VPS53: variants seen among roughly 807,000 people sequenced by gnomAD.
The protein encoded by VPS53 is vacuolar protein sorting-associated protein 53 homolog.
In VPS53, 70 loss-of-function variants were observed where a neutral mutation model predicts 107.0. That is an observed-to-expected ratio of 0.65 (90% confidence interval 0.54 to 0.80). The LOEUF (loss-of-function observed/expected upper bound fraction) is 0.80. Among genes scored for constraint, VPS53 ranks in the 30% least tolerant of loss-of-function variants. The pLI is 0.00. For missense variants in VPS53, 917 were observed against 1,049.4 expected (o/e 0.87, Z 1.74); for synonymous variants, 409 against 393.3 (o/e 1.04, Z -0.47).
chr17:582,932 T>C lies in VPS53; in HGVS notation c.1313+3338A>G, dbSNP rs72477036. Among the ~76,000 whole-genome samples the C allele has an allele frequency of 2.0e-3, 299 of 145,950 alleles. 8 individuals are homozygous for C. The East Asian group carries it at 0.057, about 28-fold the overall frequency. ...CCAGAGAACCTCCCTCAGGACCTAA[T>C]GTGTTTCCAGAGAACCTCCCTTAGA... On this transcript the variant is annotated intron_variant, in intron 13 of 21. Transcript: ENST00000437048.
Position 521,691 on chromosome 17 carries a change from G to A in VPS53, c.2133C>T (p.Pro711=), listed in dbSNP as rs1037873793. 1.9e-6 allele frequency: 3 copies of A among 1,550,750 alleles called. No individual in the cohort carries two copies. Among genetic ancestry groups the A allele is most frequent in the Middle Eastern group, 1.7e-4 (1 of 6,010 alleles). Residue 711 remains proline, a synonymous_variant, in exon 20 of 22, where the codon CCC becomes CCT. Coordinates refer to ENST00000437048, the MANE Select transcript of VPS53 (RefSeq NM_001128159.3). ...HSLKMVLLDL[P]SISSQVVRKA... Reference sequence around the variant, plus strand: ...TCCTCACCACCTGCGAGCTGATGGAGGGGAGATCGAGCAGGACCATCTTCA... The same window carrying A: ...TCCTCACCACCTGCGAGCTGATGGAAGGGAGATCGAGCAGGACCATCTTCA...
At chr17:664,784 C>T (rs1251521370) in intron 4 of VPS53, among the ~76,000 whole-genome samples, 1 of 152,054 alleles carries the variant, frequency 6.6e-6, no homozygotes, top group African/African-American at 2.4e-5. Flanking sequence ...AGACGCCGAG[C>T]GATTCAGGGT....
chr17:702,181 C>T (rs1301619846), intron 2 of VPS53, among the ~76,000 whole-genome samples: 5 of 151,988 alleles, frequency 3.3e-5, no homozygotes, highest in East Asian at 1.9e-4. Context: ...GGTGAAACTC[C>T]GTCTCTACAA....
intron 3 of VPS53, among the ~76,000 whole-genome samples, chr17:698,607 G>A (rs1043016598): frequency 1.3e-5 from 2 of 151,924 alleles, no homozygotes; most frequent in African/African-American, 4.8e-5. Context: ...GGAGGCTGAG[G>A]TGGGAGGATC....
intron 4 of VPS53, among the ~76,000 whole-genome samples, chr17:665,666 C>T (rs1646898228): frequency 6.6e-6 from 1 of 152,136 alleles, no homozygotes; most frequent in Admixed American, 6.6e-5. Context: ...AAGTCTGGAA[C>T]TTCTTAGAAA....
chr17:604,202 G>A (rs748713140), intron 11 of VPS53, among the ~76,000 whole-genome samples: 7 of 152,174 alleles, frequency 4.6e-5, no homozygotes, highest in Non-Finnish European at 8.8e-5. Flanking sequence ...AACAGCAGAT[G>A]TCAGTGACGT....
At chr17:699,794 G>A (rs1324411910) in intron 2 of VPS53, among the ~76,000 whole-genome samples, 2 of 152,176 alleles carry the variant, frequency 1.3e-5, no homozygotes, top group African/African-American at 4.8e-5. Context: ...CAACAAAAAT[G>A]AATGAATGCA....
chr17:525,625 T>G (rs1300522880), intron 19 of VPS53, among the ~76,000 whole-genome samples: 1 of 151,744 alleles, frequency 6.6e-6, no homozygotes, highest in Non-Finnish European at 1.5e-5. Flanking sequence ...GCCCAGGAAT[T>G]CCAGGTTGCA....
intron 11 of VPS53, among the ~76,000 whole-genome samples, chr17:617,074 T>C (rs17677436): frequency 0.35 from 52,904 of 152,128 alleles, 11,024 homozygotes; most frequent in Non-Finnish European, 0.47. Context: ...CTGGGACCTA[T>C]TTCCCGTCCG....
At chr17:539,237 T>G (rs1910385784) in intron 17 of VPS53, 1 of 152,250 alleles carries the variant, frequency 6.6e-6, no homozygotes, top group Non-Finnish European at 1.5e-5. Flanking sequence ...TGTCACCAGT[T>G]ACAAAGCAGC....
intron 17 of VPS53, chr17:537,781 G>C (rs1288726574): frequency 6.6e-6 from 1 of 152,238 alleles, no homozygotes; most frequent in African/African-American, 2.4e-5. Flanking sequence ...CATAGAGGCT[G>C]ACCACACTGT....
chr17:536,227 C>A (rs1910048903), intron 18 of VPS53, among the ~76,000 whole-genome samples: 1 of 152,126 alleles, frequency 6.6e-6, no homozygotes, highest in Non-Finnish European at 1.5e-5. Context: ...CCAGGGAGCT[C>A]CCTGGCTTGT....
intron 5 of VPS53, among the ~76,000 whole-genome samples, chr17:660,897 T>C (rs1971410421): frequency 6.6e-6 from 1 of 152,170 alleles, no homozygotes; most frequent in South Asian, 2.1e-4. Context: ...AGTCTGAATC[T>C]GAACCCAGGA....
rs1396284312 is a variant in VPS53 at position 519,774 on chromosome 17, C to T, written c.2328+52G>A. 8.3e-6 allele frequency: 11 copies of T among 1,330,634 alleles called. No individual in the cohort carries two copies. Among genetic ancestry groups the T allele is most frequent in the South Asian group, 1.3e-5 (1 of 79,120 alleles). 82.4% of individuals were successfully genotyped at this position (1,330,634 alleles called of 1,614,324 possible). A position where few individuals can be genotyped will look rare whatever the true frequency, so the allele number is the denominator to read the frequency against. On this transcript the variant is annotated intron_variant, in intron 21 of 21. Coordinates refer to ENST00000437048, the MANE Select transcript of VPS53 (RefSeq NM_001128159.3). The surrounding 1 kb of genome is among the most constrained non-coding windows in gnomAD (Gnocchi z 5.0). Reference sequence around the variant, plus strand: ...TATATCCCAATTCCCGGTTAAGAACCGCTGAGTGTGAGGGGGATGAGCAGG... The same window carrying T: ...TATATCCCAATTCCCGGTTAAGAACTGCTGAGTGTGAGGGGGATGAGCAGG...
chr17:614,559 C>T lies in VPS53; in HGVS notation c.1116+8974G>A, dbSNP rs560299108. Among the ~76,000 whole-genome samples, 28 of 152,230 alleles carry T rather than the reference C, an allele frequency of 1.8e-4. 1 individual carries two copies. The highest frequency in any genetic ancestry group is 9.2e-4 in the Admixed American group (14 of 15,284). Reference sequence around the variant, plus strand: ...AAAGCATCCATAAAATATTTTCCAACGCTGAAGGGAGTGCATGAGGCGGGG... The same window carrying T: ...AAAGCATCCATAAAATATTTTCCAATGCTGAAGGGAGTGCATGAGGCGGGG... On this transcript the variant is annotated intron_variant, in intron 11 of 21. Transcript: ENST00000437048.
intron 2 of VPS53, 37 bp from the exon 3 acceptor site, chr17:699,417 C>A: frequency 6.6e-7 from 1 of 1,505,558 alleles, no homozygotes; most frequent in East Asian, 2.5e-5. Context: ...GCTGTTAGTC[C>A]ACTTCCTGGA....
At position 514,475 on chromosome 17, in the gene VPS53, TTC is replaced by T. The variant is rs1407288348; in HGVS notation, c.*4651_*4652del. The T allele has an allele frequency of 2.0e-5, 3 of 146,704 alleles. No individual in the cohort carries two copies. Among genetic ancestry groups the T allele is most frequent in the African/African-American group, 7.7e-5 (3 of 39,016 alleles). 9.1% of individuals were successfully genotyped at this position (146,704 alleles called of 1,614,324 possible). A position where few individuals can be genotyped will look rare whatever the true frequency, so the allele number is the denominator to read the frequency against. On this transcript the variant is annotated 3_prime_UTR_variant, in exon 22 of 22. Transcript: ENST00000437048. ...AAGGAATCCCATTTCCAGCAGGTTATTCTGAGTGCTCTTCCTAGCCAAGGAAT... is the reference window on the plus strand; with the variant it reads ...AAGGAATCCCATTTCCAGCAGGTTATTGAGTGCTCTTCCTAGCCAAGGAAT...
At chr17:596,222 T>C (rs1222131828) in intron 12 of VPS53, among the ~76,000 whole-genome samples, 2 of 152,366 alleles carry the variant, frequency 1.3e-5, no homozygotes, top group East Asian at 1.9e-4. Context: ...AGTTTCCTTT[T>C]TATGTATGCA....
intron 6 of VPS53, among the ~76,000 whole-genome samples, chr17:654,830 GGTCTTACCACCGCCCA>G (rs1281126013): frequency 6.6e-6 from 1 of 151,920 alleles, no homozygotes; most frequent in East Asian, 1.9e-4. Flanking sequence ...ACCACCGCCT[GGTCTTACCACCGCCCA>G]GTCTTACCAC....
Sources: gnomAD v4.1 joint callset for allele counts (sites outside exome capture counted in the v4.1 genomes callset) on GRCh38, gnomAD v4.1.1 for gene constraint, Gnocchi (gnomAD v3.1) non-coding constraint, MANE v1.5 for transcripts, NCBI Gene and HGNC (gene_info 2026-07-23, HGNC 2026-07-21) for gene names.